ATP6V1B2: variants seen among roughly 807,000 people sequenced by gnomAD.
ATP6V1B2 encodes the protein V-type proton ATPase subunit B, brain isoform.
In ATP6V1B2, 23 loss-of-function variants were observed where a neutral mutation model predicts 66.7. The observed-to-expected ratio is 0.34, with a 90% CI of 0.25 to 0.49. The LOEUF (loss-of-function observed/expected upper bound fraction) is 0.49. Among genes scored for constraint, ATP6V1B2 ranks in the 20% least tolerant of loss-of-function variants. The pLI, the probability that ATP6V1B2 is intolerant of heterozygous loss-of-function variation, is 0.99. For synonymous variants in ATP6V1B2, 278 were observed against 236.7 expected, an observed-to-expected ratio of 1.17 and a Z score of -1.60; for missense variants, 478 against 650.8, an observed-to-expected ratio of 0.73 and a Z score of 2.89.
intron 13 of ATP6V1B2, 66 bp downstream of exon 13, chr8:20,218,348 G>A (rs956297361): frequency 1.6e-5 from 25 of 1,569,574 alleles, no homozygotes; most frequent in Non-Finnish European, 2.1e-5. Context: ...TGCTTTCCAA[G>A]CCTAAGAAAA....
In ATP6V1B2 at chr8:20,204,549, C is replaced by G. The variant is rs1585246715; in HGVS notation, c.192+10C>G. The G allele has an allele frequency of 6.2e-7, 1 of 1,605,508 alleles. No individual in the cohort carries two copies. The highest frequency in any genetic ancestry group is 8.5e-7 in the Non-Finnish European group (1 of 1,172,634). ...CTTAGATCATGTTAAGGTAATACCACTATCTGTTTTGGTCTATTTATGTAG... is the reference window on the plus strand; with the variant it reads ...CTTAGATCATGTTAAGGTAATACCAGTATCTGTTTTGGTCTATTTATGTAG... On this transcript the variant is annotated intron_variant, in intron 2 of 13. Coordinates refer to ENST00000276390, the MANE Select transcript of ATP6V1B2 (RefSeq NM_001693.4).
chr8:20,209,883 T>C (rs2072775797), intron 3 of ATP6V1B2, among the ~76,000 whole-genome samples: 1 of 151,988 alleles, frequency 6.6e-6, no homozygotes, highest in Non-Finnish European at 1.5e-5. Flanking sequence ...GTTACCTCAC[T>C]ATGGGTAATG....
intron 9 of ATP6V1B2, chr8:20,214,534 TA>T: frequency 4.3e-6 from 1 of 231,966 alleles, no homozygotes; most frequent in Non-Finnish European, 8.3e-6. Flanking sequence ...CTTTGATTTA[TA>T]AAATTGCAAA....
intron 11 of ATP6V1B2, 96 bp downstream of exon 11, chr8:20,216,591 A>G (rs1217412986): frequency 8.8e-7 from 1 of 1,141,280 alleles, no homozygotes; most frequent in African/African-American, 1.5e-5. Flanking sequence ...CTTTGCTTAG[A>G]AAGTATCAAC....
intron 10 of ATP6V1B2, chr8:20,216,134 TAAGTTC>T (rs2072852330): frequency 4.2e-6 from 1 of 238,792 alleles, no homozygotes; most frequent in African/African-American, 2.3e-5. Flanking sequence ...TTTGGCTGTT[TAAGTTC>T]AAGTTAACTG....
Position 20,210,613 on chromosome 8 carries a change from G to C in ATP6V1B2, c.430G>C (p.Val144Leu), listed in dbSNP as rs1345232749. 1 of 1,613,688 alleles carries C rather than the reference G, an allele frequency of 6.2e-7. No individual in the cohort carries two copies. Among genetic ancestry groups the C allele is most frequent in the African/African-American group, 1.3e-5 (1 of 74,898 alleles). ...GSGKPIDRGP[V>L]VLAEDFLDIM... ...GGGAAAACCCATTGACAGAGGTCCT[G>C]TTGTACTGGCCGAAGACTTCCTTGA... The change falls in exon 5 of 14, where the codon GTT (valine) becomes CTT (leucine). Residue 144 changes from valine to leucine, a missense_variant. Physicochemically the swap from Val to Leu is conservative, Grantham distance 32. Coordinates refer to ENST00000276390, the MANE Select transcript of ATP6V1B2 (RefSeq NM_001693.4).
chr8:20,207,849 T>C (rs1348526000), intron 2 of ATP6V1B2, among the ~76,000 whole-genome samples: 2 of 152,048 alleles, frequency 1.3e-5, no homozygotes, highest in Non-Finnish European at 2.9e-5. Flanking sequence ...CTTCTATAAA[T>C]GAATAAGAAG....
chr8:20,210,708 T>C, intron 5 of ATP6V1B2, 62 bp downstream of exon 5: 1 of 1,448,000 alleles, frequency 6.9e-7, no homozygotes, highest in Non-Finnish European at 9.7e-7. Context: ...TCTTGTACCT[T>C]TGCCAGATAG....
At chr8:20,211,953 G>A in intron 7 of ATP6V1B2, 149 bp from the exon 8 acceptor site, 1 of 833,924 alleles carries the variant, frequency 1.2e-6, no homozygotes, top group Non-Finnish European at 1.8e-6. Flanking sequence ...CCCCAAACCG[G>A]CTCTTTGTTC....
At position 20,217,324 on chromosome 8, in the gene ATP6V1B2, A is replaced by G. The variant is rs1442532702; in HGVS notation, c.1266A>G (p.Leu422=). 16 of 1,600,460 alleles carry G rather than the reference A, an allele frequency of 1.0e-5. No individual in the cohort carries two copies. Among genetic ancestry groups the G allele is most frequent in the Non-Finnish European group, 1.3e-5 (15 of 1,167,792 alleles). The change falls in exon 12 of 14, where the codon CTA becomes CTG. Residue 422 remains leucine (L), a splice_region_variant and synonymous_variant. Transcript: ENST00000276390. ...ATCATGCCGATGTATCTAACCAGCTAGTATGTACATTCTTCTAAGAATGGT... is the reference window on the plus strand; with the variant it reads ...ATCATGCCGATGTATCTAACCAGCTGGTATGTACATTCTTCTAAGAATGGT... ...RKDHADVSNQ[L]YACYAIGKDV... is the part of the protein sequence containing the mutation.
rs2072894973 is a variant in ATP6V1B2, at chr8:20,220,284, TCTTTGAGACTTTGGACATTGG to T, written c.1421_1441del (p.Phe474_Gly480del). On this transcript the variant is annotated inframe_deletion, in exon 14 of 14. Transcript: ENST00000276390. ...TAAGGTCCTTACGAAAATCGCACTGTCTTTGAGACTTTGGACATTGGCTGGCAGCTACTCCGAATCTTCCCC... is the reference window on the plus strand; with the variant it reads ...TAAGGTCCTTACGAAAATCGCACTGTCTGGCAGCTACTCCGAATCTTCCCC... 6.3e-7 allele frequency: 1 copy of T among 1,599,922 alleles called. No homozygotes were observed. Among genetic ancestry groups the T allele is most frequent in the Admixed American group, 1.8e-5 (1 of 54,754 alleles).
At chr8:20,219,051 T>C (rs531172035) in intron 13 of ATP6V1B2, among the ~76,000 whole-genome samples, 2 of 152,394 alleles carry the variant, frequency 1.3e-5, no homozygotes, top group South Asian at 4.1e-4. Flanking sequence ...TGTGTTGTTT[T>C]CTTTTGAAAT....
chr8:20,219,072 A>G (rs996968189), intron 13 of ATP6V1B2, among the ~76,000 whole-genome samples: 4 of 152,164 alleles, frequency 2.6e-5, no homozygotes, highest in African/African-American at 4.8e-5. Flanking sequence ...ATCTTACCCT[A>G]TTCAGTTTTT....
chr8:20,218,323 T>A (rs1196975328), intron 13 of ATP6V1B2, 41 bp downstream of exon 13: 3 of 1,594,386 alleles, frequency 1.9e-6, no homozygotes, highest in Non-Finnish European at 2.6e-6. Flanking sequence ...AAGCCTCATA[T>A]GTAATTTTGA....
intron 9 of ATP6V1B2, chr8:20,213,817 T>G (rs927962929): frequency 3.3e-5 from 5 of 152,202 alleles, no homozygotes; most frequent in African/African-American, 1.2e-4. Context: ...TACTCTGCTA[T>G]ATTGCTGTTT....
chr8:20,198,076 G>A (rs1304591535), intron 1 of ATP6V1B2, among the ~76,000 whole-genome samples: 1 of 152,210 alleles, frequency 6.6e-6, no homozygotes, highest in Non-Finnish European at 1.5e-5. Flanking sequence ...GGTGTTTGGT[G>A]GAGGGGCTGC....
chr8:20,206,731 T>C (rs1461821224), intron 2 of ATP6V1B2, among the ~76,000 whole-genome samples: 1 of 152,100 alleles, frequency 6.6e-6, no homozygotes, highest in African/African-American at 2.4e-5. Context: ...AGGATTTTTT[T>C]TGAAGACCTA....
intron 3 of ATP6V1B2, among the ~76,000 whole-genome samples, chr8:20,209,894 G>A (rs1469870947): frequency 1.3e-5 from 2 of 151,806 alleles, no homozygotes. Context: ...ATGGGTAATG[G>A]CAATTTTCTA....
chr8:20,219,852 T>C (rs957508519), intron 13 of ATP6V1B2, among the ~76,000 whole-genome samples: 3 of 152,218 alleles, frequency 2.0e-5, no homozygotes, highest in African/African-American at 4.8e-5. Flanking sequence ...CTGGCATTTA[T>C]GTCCTTCTGA....
Sources: gnomAD v4.1 joint callset for allele counts (sites outside exome capture counted in the v4.1 genomes callset) on GRCh38, gnomAD v4.1.1 for gene constraint, MANE v1.5 for transcripts, NCBI Gene and HGNC (gene_info 2026-07-23, HGNC 2026-07-21) for gene names.